LRBA: variants seen among roughly 807,000 people sequenced by gnomAD.
LRBA encodes the protein lipopolysaccharide-responsive and beige-like anchor protein.
Under a neutral mutation model 330.0 loss-of-function variants are expected in LRBA, and 176 were observed. The observed-to-expected ratio is 0.53, with a 90% CI of 0.47 to 0.60. LRBA has a LOEUF of 0.60. Ranked by LOEUF, LRBA falls within the 20% of genes least tolerant of loss-of-function variation. The pLI is 0.00. For missense variants in LRBA, 3,259 were observed against 3,444.8 expected, an observed-to-expected ratio of 0.95 and a Z score of 1.35; for synonymous variants, 1,230 against 1,193.0, an observed-to-expected ratio of 1.03 and a Z score of -0.64.
chr4:150,786,950 G>A (rs187224790), intron 34 of LRBA, among the ~76,000 whole-genome samples: 6 of 152,278 alleles, frequency 3.9e-5, no homozygotes, highest in Admixed American at 1.3e-4. Context: ...ACTCAGATTC[G>A]GCCAGGTGTG....
chr4:150,585,071 A>C (rs956763252), intron 40 of LRBA, among the ~76,000 whole-genome samples: 2 of 152,214 alleles, frequency 1.3e-5, no homozygotes, highest in African/African-American at 4.8e-5. Context: ...AAAAAATCCA[A>C]TCTGAATCCG....
chr4:150,852,228 G>T lies in LRBA; in HGVS notation c.3482C>A (p.Pro1161His). The change falls in exon 23 of 57, where the codon CCT becomes CAT. Residue 1161 changes from proline (P) to histidine (H), a missense_variant. Pro to His is a moderately conservative substitution (Grantham distance 77). Coordinates refer to ENST00000651943, the MANE Select transcript of LRBA (RefSeq NM_001364905.1). The part of the protein sequence containing the change: ...DDKLIFQEGK[P>H]VTEKQTDTET... ...AGTATCAGTTTGCTTTTCAGTAACA[G>T]GTTTTCCTTCTTGAAATATTAATTT... The T allele has an allele frequency of 6.2e-7, 1 of 1,614,092 alleles. No individual in the cohort carries two copies. The highest frequency in any genetic ancestry group is 1.1e-5 in the South Asian group (1 of 91,076).
intron 44 of LRBA, among the ~76,000 whole-genome samples, chr4:150,450,551 A>G (rs914454233): frequency 6.6e-6 from 1 of 152,182 alleles, no homozygotes. Flanking sequence ...CAAGAACACC[A>G]GTCATATTGG....
chr4:150,524,950 T>C (rs1581579307), intron 40 of LRBA, among the ~76,000 whole-genome samples: 1 of 152,156 alleles, frequency 6.6e-6, no homozygotes. Flanking sequence ...ATCATTTTTA[T>C]AGAGGTTAAC....
At chr4:150,524,569 T>C (rs1669693835) in intron 40 of LRBA, among the ~76,000 whole-genome samples, 1 of 152,166 alleles carries the variant, frequency 6.6e-6, no homozygotes, top group Non-Finnish European at 1.5e-5. Context: ...CAGTTATCTA[T>C]CATGGGATCT....
At chr4:150,410,986 G>C (rs867792417) in intron 47 of LRBA, among the ~76,000 whole-genome samples, 21 of 152,086 alleles carry the variant, frequency 1.4e-4, no homozygotes, top group South Asian at 4.1e-4. Flanking sequence ...TCTATTATTT[G>C]AAAGTATGAA....
chr4:150,349,572 C>T (rs1581083190), intron 48 of LRBA, among the ~76,000 whole-genome samples: 1 of 152,132 alleles, frequency 6.6e-6, no homozygotes, highest in East Asian at 1.9e-4. Context: ...GGACTTCAAC[C>T]CCCCCATTAA....
chr4:150,451,245 A>AGAATATGC (rs1450590120), intron 44 of LRBA, among the ~76,000 whole-genome samples: 1 of 152,226 alleles, frequency 6.6e-6, no homozygotes, highest in Non-Finnish European at 1.5e-5. Flanking sequence ...ACTTAACAAC[A>AGAATATGC]GAATATGCAC....
At chr4:150,752,411 A>G (rs1007517695) in intron 35 of LRBA, among the ~76,000 whole-genome samples, 1 of 152,170 alleles carries the variant, frequency 6.6e-6, no homozygotes, top group African/African-American at 2.4e-5. Flanking sequence ...AGGTTCTAAC[A>G]TCACAGAATA....
intron 47 of LRBA, among the ~76,000 whole-genome samples, chr4:150,379,260 G>A (rs1437644751): frequency 2.5e-5 from 3 of 122,320 alleles, no homozygotes; most frequent in Admixed American, 1.1e-4. Context: ...CCGAGATCAC[G>A]CCATCGCACT....
chr4:150,977,540 G>A (rs941749148), intron 2 of LRBA, among the ~76,000 whole-genome samples: 12 of 152,232 alleles, frequency 7.9e-5, no homozygotes, highest in African/African-American at 2.6e-4. Context: ...ACTCTGAAAC[G>A]TGCCGGCTTC....
intron 2 of LRBA, among the ~76,000 whole-genome samples, chr4:150,954,007 G>A (rs1329087684): frequency 2.9e-5 from 4 of 135,942 alleles, no homozygotes; most frequent in Middle Eastern, 4.1e-3. Context: ...GTCTCTGACC[G>A]GCCACCCCGT....
chr4:150,389,897 A>AT (rs1165352760), intron 47 of LRBA, among the ~76,000 whole-genome samples: 17 of 138,574 alleles, frequency 1.2e-4, no homozygotes, highest in African/African-American at 4.0e-4. Context: ...CTGGACTTCC[A>AT]TTTTTGTCTG....
chr4:150,916,277 T>C (rs1008432317), intron 7 of LRBA, 124 bp downstream of exon 7: 4 of 921,260 alleles, frequency 4.3e-6, no homozygotes, highest in South Asian at 3.8e-5. Flanking sequence ...TTACGCTTCA[T>C]CTTTTTAAAC....
chr4:150,777,671 G>A (rs563810062), intron 34 of LRBA, among the ~76,000 whole-genome samples: 1 of 152,118 alleles, frequency 6.6e-6, no homozygotes, highest in Non-Finnish European at 1.5e-5. Context: ...TTACACACAA[G>A]ACTAAAGGTC....
At position 150,718,266 on chromosome 4, in the gene LRBA, T is replaced by C. The variant is rs373123313; in HGVS notation, c.5754+16992A>G. On this transcript the variant is annotated intron_variant, in intron 36 of 56. Coordinates refer to ENST00000651943, the MANE Select transcript of LRBA (RefSeq NM_001364905.1). ...ACTAAATAGATGCACATTGCAGATC[T>C]ACACTGTCATCAATCCTCTGATAAT... 3.9e-5 allele frequency among the ~76,000 whole-genome samples: 6 copies of C among 152,308 alleles called. No individual in the cohort carries two copies. The East Asian group carries it at 1.2e-3, about 29-fold the overall frequency.
intron 55 of LRBA, among the ~76,000 whole-genome samples, chr4:150,279,647 T>C (rs970442792): frequency 2.6e-5 from 4 of 152,240 alleles, no homozygotes; most frequent in East Asian, 1.9e-4. Context: ...AGTAGTCCCT[T>C]AAATACAGCT....
intron 35 of LRBA, among the ~76,000 whole-genome samples, chr4:150,757,194 C>A (rs562282215): frequency 7.2e-5 from 11 of 152,004 alleles, no homozygotes; most frequent in African/African-American, 2.7e-4. Context: ...TAATTGAACT[C>A]AAAATTACCA....
chr4:150,464,919 T>G (rs906123723), intron 44 of LRBA, among the ~76,000 whole-genome samples: 1 of 152,102 alleles, frequency 6.6e-6, no homozygotes, highest in Non-Finnish European at 1.5e-5. Context: ...AAAATATACA[T>G]AACATAAACG....
Sources: gnomAD v4.1 joint callset for allele counts (sites outside exome capture counted in the v4.1 genomes callset) on GRCh38, gnomAD v4.1.1 for gene constraint, MANE v1.5 for transcripts, NCBI Gene and HGNC (gene_info 2026-07-23, HGNC 2026-07-21) for gene names.